Variants in GPRIN1 observed in about 807,000 individuals in gnomAD.
GPRIN1 encodes G protein regulated inducer of neurite outgrowth 1.
In GPRIN1, 4 loss-of-function variants were observed where a neutral mutation model predicts 2.8. The ratio of observed to expected loss-of-function variants is 1.45; its 90% CI spans 0.71 to 3.32. GPRIN1 has a LOEUF of 3.32. GPRIN1 is among the 30% of genes most tolerant of loss of function. The probability of loss-of-function intolerance (pLI) is 0.01; values close to 1 mark genes in which losing one functional copy is unlikely to be tolerated. For missense variants in GPRIN1, 1,322 were observed against 1,343.4 expected, an observed-to-expected ratio of 0.98 and a Z score of 0.25; for synonymous variants, 589 against 589.9, an observed-to-expected ratio of 1.00 and a Z score of 0.02.
In GPRIN1 at chr5:176,599,174, A is replaced by C; in HGVS notation, c.661T>G (p.Cys221Gly). ...GACACTGTATACGTCTTGCTGGAGC[A>C]CAAAGGATCTACTTTTCCCAGGGAT... ...LGSLGKVDPL[C>G]SSKTYTVSPR... Residue 221 changes from cysteine (C) to glycine (G), a missense_variant, in exon 2 of 2, where the codon TGC becomes GGC. Cys to Gly is a radical substitution (Grantham distance 159). Around this residue, in one of 3 missense-constraint regions of GPRIN1, gnomAD observed 1,117 missense variants for 1,128.6 expected, o/e 0.99. Coordinates refer to ENST00000303991, the MANE Select transcript of GPRIN1 (RefSeq NM_052899.3). 6.2e-7 allele frequency: 1 copy of C among 1,613,862 alleles called. No individual in the cohort carries two copies. The highest frequency in any genetic ancestry group is 1.3e-5 in the African/African-American group (1 of 75,028).
At position 176,608,460 on chromosome 5, in the gene GPRIN1, C is replaced by T. The variant is rs149446512; in HGVS notation, c.-44+1539G>A. Among the ~76,000 whole-genome samples, 793 of 152,330 alleles carry T rather than the reference C, an allele frequency of 5.2e-3. 5 individuals carry two copies. The highest frequency in any genetic ancestry group is 0.024 in the South Asian group (116 of 4,818). ...CAGAAATGTCTGCTAGGTATGTAGG[C>T]GGGCTCACCTGGCATGCAAAGGAGT... is the stretch of plus-strand genomic sequence containing the variant. On this transcript the variant is annotated intron_variant, in intron 1 of 1. Coordinates refer to ENST00000303991, the MANE Select transcript of GPRIN1 (RefSeq NM_052899.3).
At position 176,602,180 on chromosome 5, in the gene GPRIN1, T is replaced by G. The variant is rs1012721628; in HGVS notation, c.-43-2303A>C. Among the ~76,000 whole-genome samples the G allele has an allele frequency of 1.3e-5, 2 of 152,092 alleles. No individual in the cohort carries two copies. The highest frequency in any genetic ancestry group is 2.4e-5 in the African/African-American group (1 of 41,422). ...CCTCCATGCCTTGGCGCTGCCTGCT[T>G]CTTCTGCATGGAGAGATTTCTCTCC... is the stretch of plus-strand genomic sequence containing the variant. On this transcript the variant is annotated intron_variant, in intron 1 of 1. Coordinates refer to ENST00000303991, the MANE Select transcript of GPRIN1 (RefSeq NM_052899.3). This position sits in a 1 kb window ranked among gnomAD's most constrained non-coding sequence, Gnocchi z 4.4.
chr5:176,608,838 A>T lies in GPRIN1; in HGVS notation c.-44+1161T>A, dbSNP rs576634438. Among the ~76,000 whole-genome samples the T allele has an allele frequency of 1.1e-4, 17 of 152,292 alleles. No homozygotes were observed. The South Asian group carries it at 3.3e-3, about 30-fold the overall frequency. ...ATAAACAGGGCCAGAACTGCCAAGC[A>T]CCTGCAAATACCTCTTCTGTGCTGA... is the stretch of plus-strand genomic sequence containing the variant. On this transcript the variant is annotated intron_variant, in intron 1 of 1. Coordinates refer to ENST00000303991, the MANE Select transcript of GPRIN1 (RefSeq NM_052899.3).
chr5:176,596,735 C>A lies in GPRIN1; in HGVS notation c.*73G>T. 2 of 1,268,820 alleles carry A rather than the reference C, an allele frequency of 1.6e-6. No individual in the cohort carries two copies. Among genetic ancestry groups the A allele is most frequent in the East Asian group, 3.2e-5 (1 of 31,626 alleles). The allele number at this position is 1,268,820 out of a possible 1,614,324, so 78.6% of individuals were successfully genotyped here. On this transcript the variant is annotated 3_prime_UTR_variant, in exon 2 of 2. Transcript: ENST00000303991. This position sits in a 1 kb window ranked among gnomAD's most constrained non-coding sequence, Gnocchi z 5.2. ...GAGGCCTGTGGCACGCAGAGGGGAC[C>A]CCTTCTAGGGGCCTGTGATCAAGAA...
Position 176,599,338 on chromosome 5 carries a change from A to T in GPRIN1, c.497T>A (p.Ile166Lys). 1.2e-6 allele frequency: 2 copies of T among 1,614,128 alleles called. No individual in the cohort carries two copies. The highest frequency in any genetic ancestry group is 1.7e-6 in the Non-Finnish European group (2 of 1,180,012). The stretch of plus-strand genomic sequence containing the variant: ...TGAGGACCCAGGATCCTCCTTTCCT[A>T]TGGAAGTGGAATCGGCCTGCTTTGA... ...KSSKQADSTS[I>K]GKEDPGSSRK... The change falls in exon 2 of 2, where the codon ATA becomes AAA. Residue 166 changes from isoleucine (I) to lysine (K), a missense_variant. Coordinates refer to ENST00000303991, the MANE Select transcript of GPRIN1 (RefSeq NM_052899.3).
At position 176,597,658 on chromosome 5, in the gene GPRIN1, T is replaced by C; in HGVS notation, c.2177A>G (p.Gln726Arg). 6.3e-7 allele frequency: 1 copy of C among 1,596,942 alleles called. No homozygotes were observed. The highest frequency in any genetic ancestry group is 2.2e-5 in the East Asian group (1 of 44,630). Residue 726 changes from glutamine (Q) to arginine (R), a missense_variant, in exon 2 of 2, where the codon CAG becomes CGG. By Grantham distance (43) the Gln-to-Arg change is conservative. Transcript: ENST00000303991. This position sits in a 1 kb window ranked among gnomAD's most constrained non-coding sequence, Gnocchi z 6.1. ...TGAGCCGAGGGCTTTGCGGTCTAAC[T>C]GCCTGGAGGAGGAGGACGGCTTGGT... ...EKTKPSSSSR[Q>R]LDRKALGSAR...
Position 176,597,945 on chromosome 5 carries a change from T to G in GPRIN1, c.1890A>C (p.Ala630=), listed in dbSNP as rs146821721. 1 of 1,614,016 alleles carries G rather than the reference T, an allele frequency of 6.2e-7. No individual in the cohort carries two copies. Among genetic ancestry groups the G allele is most frequent in the Non-Finnish European group, 8.5e-7 (1 of 1,180,018 alleles). ...TKADPRASGK[A]QPQSGGKAET... Reference sequence around the variant, plus strand: ...CTGCTTTGCCACCAGACTGCGGCTGTGCTTTCCCCGAGGCCCTGGGATCCG... The same window carrying G: ...CTGCTTTGCCACCAGACTGCGGCTGGGCTTTCCCCGAGGCCCTGGGATCCG... The change falls in exon 2 of 2, where the codon GCA becomes GCC. Residue 630 remains alanine (A), a synonymous_variant. Coordinates refer to ENST00000303991, the MANE Select transcript of GPRIN1 (RefSeq NM_052899.3). This position sits in a 1 kb window ranked among gnomAD's most constrained non-coding sequence, Gnocchi z 6.1.
At chr5:176,609,633 C>A (rs1311210307) in intron 1 of GPRIN1, among the ~76,000 whole-genome samples, 2 of 152,044 alleles carry the variant, frequency 1.3e-5, no homozygotes, top group African/African-American at 4.8e-5. Flanking sequence ...CCCCCAGTGG[C>A]GGGAAGCACC....
rs1355793820 is a variant in GPRIN1, at chr5:176,602,044, A to G, written c.-43-2167T>C. 6.6e-6 allele frequency among the ~76,000 whole-genome samples: 1 copy of G among 152,142 alleles called. No individual in the cohort carries two copies. Among genetic ancestry groups the G allele is most frequent in the Non-Finnish European group, 1.5e-5 (1 of 68,028 alleles). On this transcript the variant is annotated intron_variant, in intron 1 of 1. Coordinates refer to ENST00000303991, the MANE Select transcript of GPRIN1 (RefSeq NM_052899.3). This position sits in a 1 kb window ranked among gnomAD's most constrained non-coding sequence, Gnocchi z 4.4. ...ATGGCTCAGAAGCCCCTGCATCTTCAGGCCCCGTCACCTCCTCTGCCCTTT... is the reference window on the plus strand; with the variant it reads ...ATGGCTCAGAAGCCCCTGCATCTTCGGGCCCCGTCACCTCCTCTGCCCTTT...
chr5:176,597,193 G>A lies in GPRIN1; in HGVS notation c.2642C>T (p.Ala881Val). Residue 881 changes from alanine to valine, a missense_variant, in exon 2 of 2, where the codon GCC becomes GTC. Around this residue, in one of 3 missense-constraint regions of GPRIN1, gnomAD observed 9 missense variants for 25.6 expected, o/e 0.35. Coordinates refer to ENST00000303991, the MANE Select transcript of GPRIN1 (RefSeq NM_052899.3). The surrounding 1 kb of genome is among the most constrained non-coding windows in gnomAD (Gnocchi z 6.1). ...VATGPMTPQA[A>V]APPAFPEVRV... is the part of the protein sequence containing the mutation. ...CACTTCGGGGAAGGCGGGCGGCGCG[G>A]CGGCTTGAGGTGTCATGGGCCCAGT... The A allele has an allele frequency of 7.6e-7, 1 of 1,319,502 alleles. No homozygotes were observed. Among genetic ancestry groups the A allele is most frequent in the Non-Finnish European group, 9.7e-7 (1 of 1,033,746 alleles). The allele number at this position is 1,319,502 out of a possible 1,614,324, so 81.7% of individuals were successfully genotyped here.
rs1277110365 is a variant in GPRIN1 at position 176,597,982 on chromosome 5, G to A, written c.1853C>T (p.Thr618Ile). The A allele has an allele frequency of 1.2e-6, 2 of 1,614,028 alleles. No individual in the cohort carries two copies. The highest frequency in any genetic ancestry group is 1.7e-6 in the Non-Finnish European group (2 of 1,180,004). The change falls in exon 2 of 2, where the codon ACC (threonine) becomes ATC (isoleucine). Residue 618 changes from threonine to isoleucine, a missense_variant. By Grantham distance (89) the Thr-to-Ile change is moderately conservative (BLOSUM62 -1). Transcript: ENST00000303991. This position sits in a 1 kb window ranked among gnomAD's most constrained non-coding sequence, Gnocchi z 6.1. ...SLPLEKGSPV[T>I]TTKADPRASG... is the part of the protein sequence containing the mutation. ...GGCCCTGGGATCCGCCTTTGTGGTG[G>A]TAACAGGACTCCCCTTCTCTAGAGG...
chr5:176,609,496 G>A (rs1202463008), intron 1 of GPRIN1, among the ~76,000 whole-genome samples: 1 of 152,226 alleles, frequency 6.6e-6, no homozygotes, highest in African/African-American at 2.4e-5. Flanking sequence ...GCGGTGTTGT[G>A]TGATCGCGCC....
chr5:176,601,875 C>T (rs1404577463), intron 1 of GPRIN1, among the ~76,000 whole-genome samples: 4 of 152,216 alleles, frequency 2.6e-5, no homozygotes, highest in African/African-American at 9.6e-5. Context: ...TGGATTATCC[C>T]TGCCTTTTCC....
Position 176,597,088 on chromosome 5 carries a change from TC to T in GPRIN1, c.2746del (p.Asp916ThrfsTer5). The T allele has an allele frequency of 1.3e-6, 2 of 1,495,738 alleles. No homozygotes were observed. 92.7% of individuals were successfully genotyped at this position (1,495,738 alleles called of 1,614,324 possible). ...PAEPVRDVSW[D>X]EKGMTWEVYG... is the part of the protein sequence containing the mutation. ...TACCTCCCACGTCATGCCCTTCTCG[TC>T]CCAGCTCACGTCTCGCACGGGCTCA... On this transcript the variant is annotated frameshift_variant, in exon 2 of 2. Transcript: ENST00000303991. LOFTEE classifies it high-confidence loss of function. The surrounding 1 kb of genome is among the most constrained non-coding windows in gnomAD (Gnocchi z 6.1).
Position 176,598,292 on chromosome 5 carries a change from T to G in GPRIN1, c.1543A>C (p.Thr515Pro). The G allele has an allele frequency of 6.2e-7, 1 of 1,613,784 alleles. No homozygotes were observed. Among genetic ancestry groups the G allele is most frequent in the Non-Finnish European group, 8.5e-7 (1 of 1,179,892 alleles). The stretch of plus-strand genomic sequence containing the variant: ...GACAGGGGATCTCCTTTTCCCCCCG[T>G]CGCTGGCTCAGCCTTTACTGCAGAT... ...PPSAVKAEPA[T>P]GGKGDPLSSE... Residue 515 changes from threonine to proline, a missense_variant, in exon 2 of 2, where the codon ACG becomes CCG. Thr to Pro is a conservative substitution (Grantham distance 38). Transcript: ENST00000303991.
In GPRIN1 at chr5:176,598,007, G is replaced by A. The variant is rs775414831; in HGVS notation, c.1828C>T (p.Pro610Ser). The A allele has an allele frequency of 6.2e-7, 1 of 1,613,972 alleles. No individual in the cohort carries two copies. Among genetic ancestry groups the A allele is most frequent in the South Asian group, 1.1e-5 (1 of 91,074 alleles). ...AIPEGKVGSL[P>S]LEKGSPVTTT... ...GTAACAGGACTCCCCTTCTCTAGAG[G>A]CAGAGAACCCACTTTTCCCTCTGGG... The change falls in exon 2 of 2, where the codon CCT (proline) becomes TCT (serine). Residue 610 changes from proline to serine, a missense_variant. Coordinates refer to ENST00000303991, the MANE Select transcript of GPRIN1 (RefSeq NM_052899.3).
At chr5:176,608,648 G>T (rs1759262057) in intron 1 of GPRIN1, among the ~76,000 whole-genome samples, 1 of 152,188 alleles carries the variant, frequency 6.6e-6, no homozygotes, top group Admixed American at 6.5e-5. Context: ...GACCCTGTGG[G>T]TATCTCACTC....
At chr5:176,599,908 C>T in intron 1 of GPRIN1, 31 bp from the exon 2 acceptor site, 1 of 1,304,500 alleles carries the variant, frequency 7.7e-7, no homozygotes, top group Non-Finnish European at 9.9e-7. Context: ...ACTCAGACTT[C>T]CCAAAGCTCA....
rs1759093158 is a variant in GPRIN1 at position 176,598,656 on chromosome 5, A to T, written c.1179T>A (p.Asp393Glu). 1 of 1,614,188 alleles carries T rather than the reference A, an allele frequency of 6.2e-7. No homozygotes were observed. The highest frequency in any genetic ancestry group is 2.2e-5 in the East Asian group (1 of 44,890). Residue 393 changes from aspartate to glutamate, a missense_variant, in exon 2 of 2, where the codon GAT becomes GAA. This residue lies in a region of GPRIN1 where 1,117 missense variants were observed against 1,128.6 expected (regional missense o/e 0.99). Transcript: ENST00000303991. The part of the protein sequence containing the change: ...GEGRPVSGHT[D>E]TTASAKTDLT... Reference sequence around the variant, plus strand: ...GATCTGTCTTTGCTGAAGCCGTAGTATCCGTGTGGCCAGACACAGGACGCC... The same window carrying T: ...GATCTGTCTTTGCTGAAGCCGTAGTTTCCGTGTGGCCAGACACAGGACGCC...
Sources: allele counts gnomAD v4.1 joint callset (sites outside exome capture counted in the v4.1 genomes callset), GRCh38; gene constraint gnomAD v4.1.1; regional missense constraint gnomAD v4.1.1; non-coding constraint Gnocchi (gnomAD v3.1); transcripts MANE v1.5; gene names NCBI Gene and HGNC (gene_info 2026-07-23, HGNC 2026-07-21).